Variants in ADAMTS17 observed in about 807,000 individuals in gnomAD.
The protein encoded by ADAMTS17 is A disintegrin and metalloproteinase with thrombospondin motifs 17.
ADAMTS17 carries 113 observed loss-of-function variants against 141.5 expected under a neutral mutation model. The observed-to-expected ratio is 0.80, with a 90% CI of 0.69 to 0.93. The LOEUF (loss-of-function observed/expected upper bound fraction) is 0.93, where lower values mean the gene tolerates loss of function less well. Among genes scored for constraint, ADAMTS17 ranks in the 40% least tolerant of loss-of-function variants. The probability of loss-of-function intolerance (pLI) is 0.00; values close to 1 mark genes in which losing one functional copy is unlikely to be tolerated. For synonymous variants in ADAMTS17, 768 were observed against 630.6 expected (o/e 1.22, Z -3.27); for missense variants, 1,659 against 1,517.9 (o/e 1.09, Z -1.54).
intron 7 of ADAMTS17, among the ~76,000 whole-genome samples, chr15:100,219,623 C>A (rs551872829): frequency 6.6e-6 from 1 of 152,272 alleles, no homozygotes; most frequent in Admixed American, 6.5e-5. Context: ...TCCAGAGACC[C>A]TGGAATTTCA....
intron 7 of ADAMTS17, among the ~76,000 whole-genome samples, chr15:100,216,778 T>C (rs1418577557): frequency 2.0e-5 from 3 of 152,210 alleles, no homozygotes; most frequent in Admixed American, 1.3e-4. Flanking sequence ...CCCCTGCTCA[T>C]CAAGGGGAAA....
chr15:100,119,273 C>T (rs897927937), intron 12 of ADAMTS17, among the ~76,000 whole-genome samples: 2 of 152,034 alleles, frequency 1.3e-5, no homozygotes, highest in African/African-American at 4.8e-5. Context: ...GTTATGGCAG[C>T]CCCAGGAAAC....
chr15:100,051,254 T>G (rs1399376154), intron 17 of ADAMTS17, among the ~76,000 whole-genome samples: 1 of 151,812 alleles, frequency 6.6e-6, no homozygotes, highest in Admixed American at 6.6e-5. Context: ...CAGTTGAAGG[T>G]CTATTCTGTT....
Position 99,971,820 on chromosome 15 carries a change from T to G in ADAMTS17, c.*2582A>C, listed in dbSNP as rs111235216. 2.0e-5 allele frequency: 3 copies of G among 151,186 alleles called. No individual in the cohort carries two copies. Among genetic ancestry groups the G allele is most frequent in the African/African-American group, 4.9e-5 (2 of 40,534 alleles). 9.4% of individuals were successfully genotyped at this position (151,186 alleles called of 1,614,324 possible). ...CACGTGTGCAAGCACAAAGGTACAG[T>G]ACTCGAGGGACAGTACAGGGTATTA... On this transcript the variant is annotated 3_prime_UTR_variant, in exon 22 of 22. Transcript: ENST00000268070.
chr15:100,053,137 G>GT lies in ADAMTS17; in HGVS notation c.2295+759dup, dbSNP rs113186370. Among the ~76,000 whole-genome samples, 5 of 152,302 alleles carry GT rather than the reference G, an allele frequency of 3.3e-5. 1 individual carries two copies. Among genetic ancestry groups the GT allele is most frequent in the South Asian group, 2.1e-4 (1 of 4,828 alleles). On this transcript the variant is annotated intron_variant, in intron 16 of 21. Transcript: ENST00000268070. ...AGGGGCACAAGCTGCCACAAATCCT[G>GT]TTTTTTGGAAGGAGACCCGGAATCG...
chr15:100,117,528 C>T (rs2037214825), intron 12 of ADAMTS17, among the ~76,000 whole-genome samples: 1 of 152,142 alleles, frequency 6.6e-6, no homozygotes. Flanking sequence ...TGACTGGAGA[C>T]CAGTTAGATC....
chr15:100,301,671 T>C lies in ADAMTS17; in HGVS notation c.617-20270A>G, dbSNP rs116987019. 4.7e-4 allele frequency among the ~76,000 whole-genome samples: 71 copies of C among 152,254 alleles called. 1 individual carries two copies. Among genetic ancestry groups the C allele is most frequent in the Middle Eastern group, 3.4e-3 (1 of 294 alleles). On this transcript the variant is annotated intron_variant, in intron 3 of 21. Transcript: ENST00000268070. ...TCATTAGGCTTATCATCTTTAGTAA[T>C]TGGGTAGGCTATTCTACTAGTAAAT...
chr15:100,054,105 T>A, intron 15 of ADAMTS17, 51 bp from the exon 16 acceptor site: 1 of 1,607,862 alleles, frequency 6.2e-7, no homozygotes, highest in Non-Finnish European at 8.5e-7. Context: ...GGTAGGGGGA[T>A]CCAGCCTGTC....
intron 13 of ADAMTS17, among the ~76,000 whole-genome samples, chr15:100,116,233 A>G (rs1265803929): frequency 3.9e-5 from 6 of 151,908 alleles, no homozygotes; most frequent in African/African-American, 1.2e-4. Flanking sequence ...TTACAAATGT[A>G]TACATGACAC....
intron 7 of ADAMTS17, among the ~76,000 whole-genome samples, chr15:100,243,051 G>A (rs77422794): frequency 0.045 from 6,821 of 152,178 alleles, 343 homozygotes; most frequent in African/African-American, 0.12. Context: ...ACCACTTTAG[G>A]TGCCTCAAGT....
At chr15:100,098,779 T>A (rs550030033) in intron 14 of ADAMTS17, among the ~76,000 whole-genome samples, 3 of 152,220 alleles carry the variant, frequency 2.0e-5, no homozygotes, top group Non-Finnish European at 4.4e-5. Context: ...GTCTGTTGCT[T>A]TGTTTCACTT....
intron 18 of ADAMTS17, among the ~76,000 whole-genome samples, chr15:100,030,079 C>A (rs185349578): frequency 7.9e-5 from 12 of 152,234 alleles, no homozygotes; most frequent in African/African-American, 2.9e-4. Context: ...AGGTGCTGGC[C>A]CCCAGATCAC....
In ADAMTS17 at chr15:100,341,443, G is replaced by A. The variant is rs1746049562; in HGVS notation, c.80-34C>T. 3 of 1,010,662 alleles carry A rather than the reference G, an allele frequency of 3.0e-6. No homozygotes were observed. The Admixed American group carries it at 1.8e-4, about 60-fold the overall frequency. 62.6% of individuals were successfully genotyped at this position (1,010,662 alleles called of 1,614,324 possible). On this transcript the variant is annotated intron_variant, in intron 1 of 21. Coordinates refer to ENST00000268070, the MANE Select transcript of ADAMTS17 (RefSeq NM_139057.4). The stretch of plus-strand genomic sequence containing the variant: ...AGAGAGGAGACGCGTCAGCGCGGCG[G>A]GGCCCGCCCGGACGCCCGCCCTCCC...
rs1355127994 is a variant in ADAMTS17 at position 99,971,760 on chromosome 15, G to A, written c.*2642C>T. 1.3e-5 allele frequency: 2 copies of A among 152,250 alleles called. No individual in the cohort carries two copies. Among genetic ancestry groups the A allele is most frequent in the Admixed American group, 6.5e-5 (1 of 15,282 alleles). The allele number at this position is 152,250 out of a possible 1,614,324, so 9.4% of individuals were successfully genotyped here. On this transcript the variant is annotated 3_prime_UTR_variant, in exon 22 of 22. Transcript: ENST00000268070. ...TTGCACCAATAAAAATAGCACCGTA[G>A]GGTCGTGAGACTCTGGTAACACGTG... is the stretch of plus-strand genomic sequence containing the variant.
intron 7 of ADAMTS17, among the ~76,000 whole-genome samples, chr15:100,205,130 GT>G (rs1202098672): frequency 2.0e-5 from 3 of 152,228 alleles, no homozygotes; most frequent in Non-Finnish European, 1.5e-5. Flanking sequence ...CTTGGCTTCG[GT>G]TTCCCAGGTA....
chr15:100,305,199 C>T (rs1361130035), intron 3 of ADAMTS17, among the ~76,000 whole-genome samples: 1 of 151,772 alleles, frequency 6.6e-6, no homozygotes. Flanking sequence ...AAAAAAAAAA[C>T]ACCTTATAAA....
At chr15:100,238,682 C>T (rs1262633472) in intron 7 of ADAMTS17, among the ~76,000 whole-genome samples, 1 of 152,244 alleles carries the variant, frequency 6.6e-6, no homozygotes, top group Non-Finnish European at 1.5e-5. Context: ...TTGATCCCAG[C>T]TCTGTCACTC....
intron 7 of ADAMTS17, among the ~76,000 whole-genome samples, chr15:100,214,953 C>T (rs528796950): frequency 1.1e-4 from 16 of 152,230 alleles, no homozygotes; most frequent in Non-Finnish European, 2.2e-4. Flanking sequence ...TAGGAGGAAA[C>T]AACTGCCCAT....
intron 3 of ADAMTS17, among the ~76,000 whole-genome samples, chr15:100,292,180 C>A (rs183028048): frequency 9.5e-5 from 14 of 148,134 alleles, no homozygotes; most frequent in African/African-American, 3.4e-4. Flanking sequence ...CTACGAGACA[C>A]GCTCACCCCG....
Sources: gnomAD v4.1 joint callset for allele counts (sites outside exome capture counted in the v4.1 genomes callset) on GRCh38, gnomAD v4.1.1 for gene constraint, MANE v1.5 for transcripts, NCBI Gene and HGNC (gene_info 2026-07-23, HGNC 2026-07-21) for gene names.